Variants in CNTN3 observed in about 807,000 individuals in gnomAD.
CNTN3 encodes the protein contactin 3, also known as contactin-3.
Under a neutral mutation model 119.1 loss-of-function variants are expected in CNTN3, and 60 were observed. The observed-to-expected ratio is 0.50, with a 90% CI of 0.41 to 0.62. The LOEUF (loss-of-function observed/expected upper bound fraction) is 0.62, where lower values mean the gene tolerates loss of function less well. CNTN3 is among the 20% of genes least tolerant of loss of function. The probability of loss-of-function intolerance (pLI) is 0.00; values close to 1 mark genes in which losing one functional copy is unlikely to be tolerated. For synonymous variants in CNTN3, 450 were observed against 438.7 expected (o/e 1.03, Z -0.32); for missense variants, 1,101 against 1,242.4 (o/e 0.89, Z 1.71).
chr3:74,518,377 T>TA (rs1703486361), intron 2 of CNTN3, among the ~76,000 whole-genome samples: 1 of 151,950 alleles, frequency 6.6e-6, no homozygotes, highest in African/African-American at 2.4e-5. Context: ...AGTTTTTCTG[T>TA]AAAAACATGG....
intron 1 of CNTN3, among the ~76,000 whole-genome samples, chr3:74,556,488 C>G (rs1704071983): frequency 6.6e-6 from 1 of 152,122 alleles, no homozygotes; most frequent in Non-Finnish European, 1.5e-5. Flanking sequence ...TGTTTTGTAG[C>G]TGAATAATAT....
intron 3 of CNTN3, among the ~76,000 whole-genome samples, chr3:74,487,456 C>T (rs1170391275): frequency 6.6e-6 from 1 of 152,110 alleles, no homozygotes; most frequent in African/African-American, 2.4e-5. Flanking sequence ...ACACTGCCAT[C>T]AGTTCTGTAA....
intron 1 of CNTN3, among the ~76,000 whole-genome samples, chr3:74,528,130 A>G (rs866386066): frequency 1.4e-4 from 21 of 151,872 alleles, no homozygotes; most frequent in Non-Finnish European, 1.3e-4. Context: ...TAAACATGAA[A>G]CAAAATGAAC....
chr3:74,391,823 A>G (rs1001090611), intron 5 of CNTN3, among the ~76,000 whole-genome samples: 1 of 152,042 alleles, frequency 6.6e-6, no homozygotes, highest in Admixed American at 6.6e-5. Context: ...ACGCCCGGCT[A>G]ATTTTTTGTA....
chr3:74,410,990 C>T (rs949657604), intron 5 of CNTN3, among the ~76,000 whole-genome samples: 16 of 152,076 alleles, frequency 1.1e-4, no homozygotes, highest in African/African-American at 3.4e-4. Flanking sequence ...TCTACTTACT[C>T]ACTGATAAAA....
chr3:74,556,756 G>A (rs998859659), intron 1 of CNTN3, among the ~76,000 whole-genome samples: 3 of 152,128 alleles, frequency 2.0e-5, no homozygotes, highest in Admixed American at 6.6e-5. Flanking sequence ...TATCCCATCT[G>A]CAGTGTAGGA....
chr3:74,473,432 A>C (rs4676971), intron 4 of CNTN3, among the ~76,000 whole-genome samples: 30,296 of 152,144 alleles, frequency 0.2, 3,528 homozygotes, highest in East Asian at 0.53. Flanking sequence ...GCTTTTATAA[A>C]ATTTAAATTT....
At chr3:74,405,807 T>A (rs1198617101) in intron 5 of CNTN3, among the ~76,000 whole-genome samples, 1 of 152,088 alleles carries the variant, frequency 6.6e-6, no homozygotes, top group Non-Finnish European at 1.5e-5. Flanking sequence ...CCAAGAAGAC[T>A]ATCCAGTTTT....
At chr3:74,531,908 C>T (rs547314534) in intron 1 of CNTN3, among the ~76,000 whole-genome samples, 2 of 151,708 alleles carry the variant, frequency 1.3e-5, no homozygotes, top group African/African-American at 4.8e-5. Flanking sequence ...TTGTGATGGT[C>T]GACCATCAAA....
intron 1 of CNTN3, among the ~76,000 whole-genome samples, chr3:74,533,503 C>CT (rs1212898201): frequency 1.3e-5 from 2 of 152,012 alleles, no homozygotes; most frequent in African/African-American, 4.8e-5. Flanking sequence ...AGGCAATACT[C>CT]TAACTGCTTT....
intron 5 of CNTN3, among the ~76,000 whole-genome samples, chr3:74,396,507 G>T (rs1705058746): frequency 6.6e-6 from 1 of 152,110 alleles, no homozygotes; most frequent in South Asian, 2.1e-4. Flanking sequence ...AGTACTTTGG[G>T]AGGCCGAGGC....
chr3:74,575,236 A>G (rs1460585038), intron 1 of CNTN3, among the ~76,000 whole-genome samples: 1 of 151,756 alleles, frequency 6.6e-6, no homozygotes, highest in African/African-American at 2.4e-5. Flanking sequence ...TTTTCTATCT[A>G]TTAAAGATGA....
At chr3:74,268,155 T>C (rs1359702655) in intron 20 of CNTN3, among the ~76,000 whole-genome samples, 1 of 152,146 alleles carries the variant, frequency 6.6e-6, no homozygotes, top group Non-Finnish European at 1.5e-5. Context: ...TAAACTTAGA[T>C]TCATAATTTA....
intron 1 of CNTN3, among the ~76,000 whole-genome samples, chr3:74,599,549 G>A (rs1046034825): frequency 3.3e-5 from 5 of 152,050 alleles, no homozygotes; most frequent in Non-Finnish European, 7.4e-5. Context: ...CATGCCACAT[G>A]TAGATCCCTC....
chr3:74,366,778 GTGTATATATATATATA>G (rs1704201496), intron 8 of CNTN3, among the ~76,000 whole-genome samples: 1 of 40,884 alleles, frequency 2.4e-5, no homozygotes, highest in Non-Finnish European at 4.3e-5. Flanking sequence ...GTGTGTGTGT[GTGTATATATATATATA>G]TATATATATA....
At chr3:74,276,216 G>T (rs1701875961) in intron 20 of CNTN3, among the ~76,000 whole-genome samples, 1 of 152,038 alleles carries the variant, frequency 6.6e-6, no homozygotes, top group East Asian at 1.9e-4. Flanking sequence ...CTCCATGACA[G>T]CACTAGACAG....
intron 1 of CNTN3, among the ~76,000 whole-genome samples, chr3:74,606,605 C>T (rs78114820): frequency 0.046 from 7,060 of 151,844 alleles, 232 homozygotes; most frequent in South Asian, 0.12. Flanking sequence ...AATGCCCTAA[C>T]TCTGAAAAAT....
intron 3 of CNTN3, among the ~76,000 whole-genome samples, chr3:74,495,475 T>C (rs559695294): frequency 1.3e-5 from 2 of 151,912 alleles, no homozygotes; most frequent in Non-Finnish European, 2.9e-5. Context: ...AGCATACACA[T>C]AGTGTGTGTA....
At chr3:74,608,854 T>A (rs1263764868) in intron 1 of CNTN3, among the ~76,000 whole-genome samples, 1 of 152,192 alleles carries the variant, frequency 6.6e-6, no homozygotes, top group Non-Finnish European at 1.5e-5. Flanking sequence ...TAGATTATAA[T>A]ACATTTACCC....
Sources: gnomAD v4.1 joint callset for allele counts (sites outside exome capture counted in the v4.1 genomes callset) on GRCh38, gnomAD v4.1.1 for gene constraint, MANE v1.5 for transcripts, NCBI Gene and HGNC (gene_info 2026-07-23, HGNC 2026-07-21) for gene names.